SH2D4A: variants seen among roughly 807,000 people sequenced by gnomAD.
SH2D4A encodes the protein SH2 domain-containing protein 4A.
A neutral mutation model predicts 64.7 loss-of-function variants in SH2D4A; 70 were observed. The observed-to-expected ratio is 1.08, with a 90% CI of 0.89 to 1.32. SH2D4A has a LOEUF of 1.32. Ranked by LOEUF, SH2D4A falls within the 40% of genes most tolerant of loss-of-function variation. The probability of loss-of-function intolerance (pLI) is 0.00; values close to 1 mark genes in which losing one functional copy is unlikely to be tolerated. For missense variants in SH2D4A, 706 were observed against 540.1 expected (o/e 1.31, Z -3.04); for synonymous variants, 268 against 200.7 (o/e 1.34, Z -2.83).
At chr8:19,318,049 C>T (rs1412028348) in intron 1 of SH2D4A, among the ~76,000 whole-genome samples, 2 of 152,060 alleles carry the variant, frequency 1.3e-5, no homozygotes, top group Non-Finnish European at 2.9e-5. Flanking sequence ...TACAGGCACC[C>T]ACCACCATGC....
chr8:19,373,418 A>C, intron 7 of SH2D4A, 112 bp from the exon 8 acceptor site: 1 of 624,896 alleles, frequency 1.6e-6, no homozygotes, highest in Non-Finnish European at 2.3e-6. Context: ...GCATGTATAT[A>C]TATGCATGTA....
At chr8:19,391,183 G>C (rs756376425) in intron 8 of SH2D4A, among the ~76,000 whole-genome samples, 1 of 152,162 alleles carries the variant, frequency 6.6e-6, no homozygotes, top group Non-Finnish European at 1.5e-5. Flanking sequence ...GTCCCCGCAT[G>C]GGCTGGTACC....
rs2052040635 is a variant in SH2D4A, at chr8:19,313,986, G to GGCGGGCTCAGGT, written c.-205+169_-205+180dup. ...GCCTCCACCCCTTCGCGGCGCCCGG[G>GGCGGGCTCAGGT]GCGGGCTCAGGTGCGGGGTTGGGCG... On this transcript the variant is annotated intron_variant, in intron 1 of 9. Transcript: ENST00000265807. The GGCGGGCTCAGGT allele has an allele frequency of 4.8e-6, 6 of 1,253,750 alleles. No individual in the cohort carries two copies. In the South Asian group the frequency reaches 1.3e-4, roughly 26 times the overall value. 77.7% of individuals were successfully genotyped at this position (1,253,750 alleles called of 1,614,324 possible). A position where few individuals can be genotyped will look rare whatever the true frequency, so the allele number is the denominator to read the frequency against.
intron 8 of SH2D4A, among the ~76,000 whole-genome samples, chr8:19,375,863 C>A (rs1285451422): frequency 6.6e-6 from 1 of 152,120 alleles, no homozygotes; most frequent in African/African-American, 2.4e-5. Context: ...TAAATTTATA[C>A]AATTGTAAAT....
intron 8 of SH2D4A, among the ~76,000 whole-genome samples, chr8:19,392,492 A>C (rs1054264326): frequency 6.6e-6 from 1 of 152,016 alleles, no homozygotes; most frequent in Admixed American, 6.5e-5. Context: ...ATGACAACCA[A>C]AGATGTCTCT....
intron 4 of SH2D4A, among the ~76,000 whole-genome samples, chr8:19,350,617 G>A (rs531869882): frequency 6.6e-6 from 1 of 152,176 alleles, no homozygotes; most frequent in South Asian, 2.1e-4. Flanking sequence ...CCGAGTAGCT[G>A]GAACTACAGG....
intron 7 of SH2D4A, among the ~76,000 whole-genome samples, chr8:19,366,108 A>G (rs181207577): frequency 5.3e-5 from 8 of 152,326 alleles, no homozygotes; most frequent in African/African-American, 4.8e-5. Flanking sequence ...GTCAATTACA[A>G]TACTAGTAGT....
chr8:19,394,591 T>A lies in SH2D4A; in HGVS notation c.1314T>A (p.Tyr438Ter). ...CCCTGGGGAAGGAGCTCCTTCTCTA[T>A]CCCTGTGGTCAGCAGGACCAGCTGC... The part of the protein sequence containing the change: ...ITSLGKELLL[Y>*]PCGQQDQLPD... The change falls in exon 10 of 10, where the codon TAT (tyrosine) becomes TAA (stop). Residue 438 changes from tyrosine to a stop codon, truncating the protein, a stop_gained. Transcript: ENST00000265807. LOFTEE classifies it high-confidence loss of function. 6.2e-7 allele frequency: 1 copy of A among 1,608,656 alleles called. No homozygotes were observed.
Position 19,313,712 on chromosome 8 carries a change from G to T in SH2D4A, c.-316G>T. ...GCCGGAGTATTTGCTCAGCCCGCCT[G>T]CGCCGCTTGGGACGCCTCTGCCTTT... On this transcript the variant is annotated 5_prime_UTR_variant, in exon 1 of 10. Coordinates refer to ENST00000265807, the MANE Select transcript of SH2D4A (RefSeq NM_022071.4). 1 of 1,488,482 alleles carries T rather than the reference G, an allele frequency of 6.7e-7. No homozygotes were observed. The highest frequency in any genetic ancestry group is 2.8e-5 in the East Asian group (1 of 35,952). 92.2% of individuals were successfully genotyped at this position (1,488,482 alleles called of 1,614,324 possible). A position where few individuals can be genotyped will look rare whatever the true frequency, so the allele number is the denominator to read the frequency against.
Position 19,334,643 on chromosome 8 carries a change from T to G in SH2D4A, c.342-43T>G, listed in dbSNP as rs527836048. 3 of 1,554,570 alleles carry G rather than the reference T, an allele frequency of 1.9e-6. No individual in the cohort carries two copies. The African/African-American group carries it at 4.1e-5, about 21-fold the overall frequency. ...ATATGCTTTGGAAAGGCTCTTCCTG[T>G]TGAAGAATGTTTTTTGAGAATTTCA... On this transcript the variant is annotated intron_variant, in intron 3 of 9. Transcript: ENST00000265807.
At chr8:19,385,990 T>G (rs1290529008) in intron 8 of SH2D4A, among the ~76,000 whole-genome samples, 1 of 152,182 alleles carries the variant, frequency 6.6e-6, no homozygotes, top group Non-Finnish European at 1.5e-5. Flanking sequence ...TTCTTAAACC[T>G]CAGATGACAC....
At chr8:19,331,327 C>T (rs2052362597) in intron 2 of SH2D4A, among the ~76,000 whole-genome samples, 1 of 152,152 alleles carries the variant, frequency 6.6e-6, no homozygotes, top group African/African-American at 2.4e-5. Flanking sequence ...TCAAACAGGG[C>T]CCAGCACACA....
At chr8:19,381,806 G>C (rs917188477) in intron 8 of SH2D4A, among the ~76,000 whole-genome samples, 3 of 152,108 alleles carry the variant, frequency 2.0e-5, no homozygotes, top group African/African-American at 7.2e-5. Context: ...ACTATGTTGA[G>C]GGACTTTCCT....
At chr8:19,329,755 A>G (rs1310091805) in intron 2 of SH2D4A, among the ~76,000 whole-genome samples, 2 of 152,166 alleles carry the variant, frequency 1.3e-5, no homozygotes, top group Non-Finnish European at 2.9e-5. Flanking sequence ...CCACTTTTGC[A>G]TCTTTCTTAC....
At chr8:19,333,987 C>G (rs1228597629) in intron 3 of SH2D4A, among the ~76,000 whole-genome samples, 1 of 152,142 alleles carries the variant, frequency 6.6e-6, no homozygotes, top group Non-Finnish European at 1.5e-5. Context: ...AACTTATTCT[C>G]TGGACGGTGA....
rs766520885 is a variant in SH2D4A at position 19,333,039 on chromosome 8, C to T, written c.266C>T (p.Pro89Leu). The change falls in exon 3 of 10, where the codon CCC (proline) becomes CTC (leucine). Residue 89 changes from proline to leucine, a missense_variant. Pro to Leu is a moderately conservative substitution (Grantham distance 98). Transcript: ENST00000265807. ...WVMGEHHLDK[P>L]YDVLCNEIIA... The stretch of plus-strand genomic sequence containing the variant: ...ATGGGCGAACACCATCTAGATAAAC[C>T]CTATGATGTGCTCTGTAATGAAATT... 2 of 1,613,924 alleles carry T rather than the reference C, an allele frequency of 1.2e-6. No homozygotes were observed. Among genetic ancestry groups the T allele is most frequent in the Non-Finnish European group, 1.7e-6 (2 of 1,179,994 alleles).
chr8:19,376,823 C>T (rs946908968), intron 8 of SH2D4A, among the ~76,000 whole-genome samples: 16 of 152,026 alleles, frequency 1.1e-4, no homozygotes, highest in Non-Finnish European at 1.8e-4. Context: ...TTAGTTGTCT[C>T]CTTAATGAAG....
At chr8:19,382,408 C>T (rs941009222) in intron 8 of SH2D4A, among the ~76,000 whole-genome samples, 2 of 152,158 alleles carry the variant, frequency 1.3e-5, no homozygotes, top group Non-Finnish European at 2.9e-5. Context: ...ACGTGATACA[C>T]ATTCCGTAAA....
intron 4 of SH2D4A, among the ~76,000 whole-genome samples, chr8:19,348,245 G>C (rs1218975637): frequency 1.3e-5 from 2 of 152,022 alleles, no homozygotes; most frequent in African/African-American, 4.8e-5. Context: ...ACAGATGCAT[G>C]CTCCCATGCC....
Sources: allele counts gnomAD v4.1 joint callset (sites outside exome capture counted in the v4.1 genomes callset), GRCh38; gene constraint gnomAD v4.1.1; transcripts MANE v1.5; gene names NCBI Gene and HGNC (gene_info 2026-07-23, HGNC 2026-07-21).